CHD6: variants seen among roughly 807,000 people sequenced by gnomAD.
CHD6 encodes the protein ATP-dependent chromatin remodeler CHD6.
Under a neutral mutation model 276.9 loss-of-function variants are expected in CHD6, and 50 were observed. That is an observed-to-expected ratio of 0.18 (90% CI 0.14 to 0.23). CHD6 has a LOEUF of 0.23. CHD6 is among the 10% of genes least tolerant of loss of function. CHD6 has a pLI of 1.00. For synonymous variants in CHD6, 1,173 were observed against 1,229.3 expected, an observed-to-expected ratio of 0.95 and a Z score of 0.96; for missense variants, 2,564 against 3,365.8, an observed-to-expected ratio of 0.76 and a Z score of 5.89.
intron 3 of CHD6, among the ~76,000 whole-genome samples, chr20:41,526,156 A>G (rs2044530183): frequency 6.6e-6 from 1 of 152,128 alleles, no homozygotes; most frequent in South Asian, 2.1e-4. Context: ...CTTAAAAAAA[A>G]AAACAAAAAC....
intron 31 of CHD6, among the ~76,000 whole-genome samples, chr20:41,417,571 T>C (rs557591227): frequency 5.3e-5 from 8 of 152,346 alleles, no homozygotes; most frequent in Non-Finnish European, 8.8e-5. Flanking sequence ...GCAAGTCTTC[T>C]AGTGAGCATT....
intron 13 of CHD6, 80 bp downstream of exon 13, chr20:41,488,348 C>T (rs1435753603): frequency 2.4e-6 from 3 of 1,252,906 alleles, no homozygotes; most frequent in Non-Finnish European, 3.3e-6. Flanking sequence ...AAATAAGTTA[C>T]ATGCAGAATG....
intron 36 of CHD6, among the ~76,000 whole-genome samples, chr20:41,405,826 G>A (rs557065239): frequency 2.0e-5 from 3 of 152,298 alleles, no homozygotes; most frequent in African/African-American, 4.8e-5. Context: ...CACTAAAAGT[G>A]CTCTGGTTCT....
rs149561529 is a variant in CHD6 at position 41,480,210 on chromosome 20, C to A, written c.2468+3099G>T. Reference sequence around the variant, plus strand: ...AAAAGAAAGCTGTCAGCATGAGAAACAAGGCAGATCACAGCTGACAACTGT... The same window carrying A: ...AAAAGAAAGCTGTCAGCATGAGAAAAAAGGCAGATCACAGCTGACAACTGT... On this transcript the variant is annotated intron_variant, in intron 16 of 36. Coordinates refer to ENST00000373233, the MANE Select transcript of CHD6 (RefSeq NM_032221.5). 7.9e-4 allele frequency among the ~76,000 whole-genome samples: 121 copies of A among 152,246 alleles called. 1 individual carries two copies. Among genetic ancestry groups the A allele is most frequent in the African/African-American group, 2.8e-3 (116 of 41,552 alleles).
In CHD6 at chr20:41,404,723, G is replaced by A. The variant is rs1183790798; in HGVS notation, c.8018C>T (p.Pro2673Leu). The part of the protein sequence containing the change: ...DNPNSHPEPA[P>L]SCEREPSGDE... ...ACCGCTGGGCTCCCTTTCACAGCTGGGAGCAGGCTCTGGGTGGGAGTTGGG... is the reference window on the plus strand; with the variant it reads ...ACCGCTGGGCTCCCTTTCACAGCTGAGAGCAGGCTCTGGGTGGGAGTTGGG... Residue 2673 changes from proline to leucine, a missense_variant, in exon 37 of 37, where the codon CCC (proline) becomes CTC (leucine). This residue lies in a region of CHD6 where 238 missense variants were observed against 266.0 expected (regional missense o/e 0.89). Coordinates refer to ENST00000373233, the MANE Select transcript of CHD6 (RefSeq NM_032221.5). 6.2e-7 allele frequency: 1 copy of A among 1,601,934 alleles called. No homozygotes were observed. Among genetic ancestry groups the A allele is most frequent in the Admixed American group, 1.7e-5 (1 of 58,462 alleles).
chr20:41,464,192 T>TA (rs1297863890), intron 17 of CHD6, among the ~76,000 whole-genome samples: 1 of 152,242 alleles, frequency 6.6e-6, no homozygotes, highest in African/African-American at 2.4e-5. Context: ...CTGTGAGTTA[T>TA]AAGCTATTCA....
intron 1 of CHD6, among the ~76,000 whole-genome samples, chr20:41,598,272 C>T (rs2045739273): frequency 6.6e-6 from 1 of 152,014 alleles, no homozygotes; most frequent in Non-Finnish European, 1.5e-5. Context: ...CTCGTCATCC[C>T]CTCCGCCCTC....
chr20:41,544,857 C>A (rs2045010907), intron 2 of CHD6, among the ~76,000 whole-genome samples: 7 of 151,652 alleles, frequency 4.6e-5, no homozygotes, highest in Admixed American at 4.6e-4. Flanking sequence ...AAAATTGTGT[C>A]AACTTACATA....
chr20:41,434,378 T>C (rs957946781), intron 27 of CHD6, among the ~76,000 whole-genome samples: 6 of 152,168 alleles, frequency 3.9e-5, no homozygotes, highest in African/African-American at 1.4e-4. Context: ...ATTCTCTCTA[T>C]ACATTTTTTT....
In CHD6 at chr20:41,452,110, C is replaced by T; in HGVS notation, c.3324-85G>A. ...CTCCCCACAGGAGGAGAAACAAGAGCCATACATGCTTTTTGTTCTCTGTAG... is the reference window on the plus strand; with the variant it reads ...CTCCCCACAGGAGGAGAAACAAGAGTCATACATGCTTTTTGTTCTCTGTAG... On this transcript the variant is annotated intron_variant, in intron 21 of 36. Transcript: ENST00000373233. The surrounding 1 kb of genome is among the most constrained non-coding windows in gnomAD (Gnocchi z 4.2). 11 of 1,040,594 alleles carry T rather than the reference C, an allele frequency of 1.1e-5. No homozygotes were observed. Among genetic ancestry groups the T allele is most frequent in the Non-Finnish European group, 1.6e-5 (11 of 679,390 alleles). The allele number at this position is 1,040,594 out of a possible 1,614,324, so 64.5% of individuals were successfully genotyped here.
intron 2 of CHD6, among the ~76,000 whole-genome samples, chr20:41,535,533 C>T (rs2044810266): frequency 6.6e-6 from 1 of 152,072 alleles, no homozygotes; most frequent in Non-Finnish European, 1.5e-5. Context: ...GATTGCTAGG[C>T]CATGAGACCA....
Position 41,455,934 on chromosome 20 carries a change from CT to C in CHD6, c.2874del (p.Gly959ValfsTer6). The C allele has an allele frequency of 6.2e-7, 1 of 1,604,148 alleles. No individual in the cohort carries two copies. Among genetic ancestry groups the C allele is most frequent in the Non-Finnish European group, 8.5e-7 (1 of 1,176,046 alleles). On this transcript the variant is annotated frameshift_variant, in exon 19 of 37. Transcript: ENST00000373233. LOFTEE classifies it high-confidence loss of function. ...TCATCCATTAAGGCTCCATAAGCACCTTTCCGGAGTAGGTCCTCCACCTCCA... is the reference window on the plus strand; with the variant it reads ...TCATCCATTAAGGCTCCATAAGCACCTTCCGGAGTAGGTCCTCCACCTCCA... The part of the protein sequence containing the change: ...SKMEVEDLLR[K>X]GAYGALMDEE...
intron 7 of CHD6, 59 bp downstream of exon 7, chr20:41,498,109 A>C (rs761101803): frequency 8.6e-7 from 1 of 1,160,118 alleles, no homozygotes; most frequent in African/African-American, 1.5e-5. Context: ...AAGTCACAAG[A>C]GAAAAAAAGT....
intron 1 of CHD6, among the ~76,000 whole-genome samples, chr20:41,613,279 T>C (rs1349257471): frequency 1.3e-5 from 2 of 152,210 alleles, no homozygotes; most frequent in African/African-American, 2.4e-5. Context: ...AAAACCCTTT[T>C]CCTCCTAACA....
intron 36 of CHD6, among the ~76,000 whole-genome samples, chr20:41,411,007 C>T (rs2046826591): frequency 6.6e-6 from 1 of 152,060 alleles, no homozygotes; most frequent in African/African-American, 2.4e-5. Context: ...TCGTACTGCT[C>T]ACGCAAGTGG....
rs1331643850 is a variant in CHD6, at chr20:41,404,573, T to C, written c.*20A>G. The C allele has an allele frequency of 2.7e-6, 4 of 1,472,018 alleles. No homozygotes were observed. The African/African-American group carries it at 5.6e-5, about 21-fold the overall frequency. The allele number at this position is 1,472,018 out of a possible 1,614,324, so 91.2% of individuals were successfully genotyped here. ...ATAAGAAACTTACAAGTCACAATAA[T>C]TTCTTAAATGAAAAAAGTTCTAATT... On this transcript the variant is annotated 3_prime_UTR_variant, in exon 37 of 37. Transcript: ENST00000373233.
At chr20:41,614,011 A>T (rs551190770) in intron 1 of CHD6, among the ~76,000 whole-genome samples, 89 of 146,710 alleles carry the variant, frequency 6.1e-4, no homozygotes, top group Middle Eastern at 3.6e-3. Context: ...TTAGAGTATA[A>T]AAAAAAAAAA....
intron 16 of CHD6, among the ~76,000 whole-genome samples, chr20:41,476,830 A>C (rs1035579684): frequency 1.3e-5 from 2 of 152,158 alleles, no homozygotes; most frequent in Non-Finnish European, 2.9e-5. Flanking sequence ...AGCTAAAAAA[A>C]TCCCAACACA....
chr20:41,424,295 C>G (rs987406504), intron 29 of CHD6, among the ~76,000 whole-genome samples: 4 of 152,136 alleles, frequency 2.6e-5, no homozygotes, highest in Admixed American at 6.6e-5. Context: ...GTCCTCTAGT[C>G]TTTATATCCT....
Sources: allele counts gnomAD v4.1 joint callset (sites outside exome capture counted in the v4.1 genomes callset), GRCh38; gene constraint gnomAD v4.1.1; regional missense constraint gnomAD v4.1.1; non-coding constraint Gnocchi (gnomAD v3.1); transcripts MANE v1.5; gene names NCBI Gene and HGNC (gene_info 2026-07-23, HGNC 2026-07-21).